Variants in PLCL1 observed in about 807,000 individuals in gnomAD.
The protein encoded by PLCL1 is phospholipase C like 1 (inactive).
A neutral mutation model predicts 84.4 loss-of-function variants in PLCL1; 41 were observed. The ratio of observed to expected loss-of-function variants is 0.49; its 90% CI spans 0.38 to 0.63. The LOEUF (loss-of-function observed/expected upper bound fraction) is 0.63, where lower values mean the gene tolerates loss of function less well. Among genes scored for constraint, PLCL1 ranks in the 30% least tolerant of loss-of-function variants. The probability of loss-of-function intolerance (pLI) is 0.00; values close to 1 mark genes in which losing one functional copy is unlikely to be tolerated. For synonymous variants in PLCL1, 490 were observed against 488.3 expected (o/e 1.00, Z -0.05); for missense variants, 1,206 against 1,367.8 (o/e 0.88, Z 1.87).
chr2:197,958,509 T>C (rs982007040), intron 1 of PLCL1, among the ~76,000 whole-genome samples: 3 of 152,034 alleles, frequency 2.0e-5, no homozygotes, highest in African/African-American at 4.8e-5. Context: ...ATACACCTTA[T>C]TCTAAAATTG....
intron 5 of PLCL1, among the ~76,000 whole-genome samples, chr2:198,142,820 C>T (rs1694421434): frequency 6.6e-6 from 1 of 151,680 alleles, no homozygotes; most frequent in Non-Finnish European, 1.5e-5. Context: ...CATGAAGGAT[C>T]CCCAGTACCA....
intron 1 of PLCL1, among the ~76,000 whole-genome samples, chr2:197,810,011 T>C (rs1297797426): frequency 6.6e-6 from 1 of 152,230 alleles, no homozygotes; most frequent in Non-Finnish European, 1.5e-5. Context: ...AACCAACTTA[T>C]GGATGGATTT....
intron 5 of PLCL1, among the ~76,000 whole-genome samples, chr2:198,108,634 C>G (rs1306026950): frequency 6.7e-6 from 1 of 149,580 alleles, no homozygotes; most frequent in Non-Finnish European, 1.5e-5. Context: ...AGAAAAATGA[C>G]TAACGACAAT....
chr2:198,096,395 A>C (rs1171136894), intron 3 of PLCL1, among the ~76,000 whole-genome samples: 3 of 152,220 alleles, frequency 2.0e-5, no homozygotes, highest in Non-Finnish European at 4.4e-5. Context: ...TCTTCTTTAG[A>C]TGGCCGAGCT....
chr2:198,123,881 A>G (rs1693927571), intron 5 of PLCL1, among the ~76,000 whole-genome samples: 1 of 152,002 alleles, frequency 6.6e-6, no homozygotes, highest in African/African-American at 2.4e-5. Context: ...TCATCCTGAA[A>G]CTATGCACCC....
At chr2:197,898,587 C>A (rs998963610) in intron 1 of PLCL1, among the ~76,000 whole-genome samples, 5 of 151,582 alleles carry the variant, frequency 3.3e-5, no homozygotes, top group African/African-American at 1.2e-4. Flanking sequence ...CCAAGAGAAC[C>A]CTCATGTTTT....
chr2:198,078,616 A>T (rs1212060902), intron 1 of PLCL1, among the ~76,000 whole-genome samples: 1 of 152,082 alleles, frequency 6.6e-6, no homozygotes, highest in African/African-American at 2.4e-5. Context: ...TGAAACAAAG[A>T]TTCCTTCTCA....
At chr2:198,036,689 A>G (rs1042483751) in intron 1 of PLCL1, among the ~76,000 whole-genome samples, 1 of 152,176 alleles carries the variant, frequency 6.6e-6, no homozygotes, top group Non-Finnish European at 1.5e-5. Context: ...ACATCAAAAG[A>G]GGTTTGAGCT....
At chr2:198,123,891 C>A (rs780578431) in intron 5 of PLCL1, among the ~76,000 whole-genome samples, 1 of 151,994 alleles carries the variant, frequency 6.6e-6, no homozygotes, top group Admixed American at 6.6e-5. Context: ...ACTATGCACC[C>A]CTCTCCAGCC....
chr2:197,917,201 G>T (rs540284845), intron 1 of PLCL1, among the ~76,000 whole-genome samples: 146 of 152,292 alleles, frequency 9.6e-4, no homozygotes, highest in Non-Finnish European at 1.7e-3. Flanking sequence ...ACCTACATGT[G>T]AATGTTTTGA....
At chr2:198,090,035 A>G (rs988105512) in intron 3 of PLCL1, among the ~76,000 whole-genome samples, 1 of 152,178 alleles carries the variant, frequency 6.6e-6, no homozygotes, top group South Asian at 2.1e-4. Context: ...TTGGCAATAC[A>G]ATTTAAAATG....
At chr2:197,869,039 C>T (rs918499527) in intron 1 of PLCL1, among the ~76,000 whole-genome samples, 5 of 152,114 alleles carry the variant, frequency 3.3e-5, no homozygotes, top group African/African-American at 1.2e-4. Flanking sequence ...GCCTGTTATA[C>T]GCTGAGCAAT....
rs564347922 is a variant in PLCL1 at position 197,973,750 on chromosome 2, G to A, written c.241-110008G>A. 7.2e-5 allele frequency among the ~76,000 whole-genome samples: 11 copies of A among 152,312 alleles called. No homozygotes were observed. The East Asian group carries it at 2.1e-3, about 29-fold the overall frequency. On this transcript the variant is annotated intron_variant, in intron 1 of 5. Coordinates refer to ENST00000428675, the MANE Select transcript of PLCL1 (RefSeq NM_006226.4). The stretch of plus-strand genomic sequence containing the variant: ...CATGACAGGAGTTGAGGTCAGGGAG[G>A]TGGGCAGGCGTGAGGTCAAGTGGGC...
chr2:197,984,505 T>C (rs1690181361), intron 1 of PLCL1, among the ~76,000 whole-genome samples: 1 of 152,222 alleles, frequency 6.6e-6, no homozygotes, highest in Non-Finnish European at 1.5e-5. Flanking sequence ...TATGCTCTAC[T>C]AGATCCTCAA....
At chr2:198,003,812 G>A (rs569768450) in intron 1 of PLCL1, among the ~76,000 whole-genome samples, 1 of 152,272 alleles carries the variant, frequency 6.6e-6, no homozygotes, top group East Asian at 1.9e-4. Context: ...CTGAGCTGGA[G>A]GTGGAACTAT....
chr2:198,035,159 C>A (rs1402502681), intron 1 of PLCL1, among the ~76,000 whole-genome samples: 2 of 152,044 alleles, frequency 1.3e-5, no homozygotes, highest in Non-Finnish European at 2.9e-5. Flanking sequence ...TAATGACGGT[C>A]AGTTTTCTCA....
At chr2:197,820,453 C>T (rs1423879057) in intron 1 of PLCL1, among the ~76,000 whole-genome samples, 2 of 152,120 alleles carry the variant, frequency 1.3e-5, no homozygotes, top group South Asian at 2.1e-4. Context: ...GTTTTCTTAG[C>T]ACTGCTTGTA....
At chr2:197,986,915 C>G (rs1021405922) in intron 1 of PLCL1, among the ~76,000 whole-genome samples, 1 of 152,088 alleles carries the variant, frequency 6.6e-6, no homozygotes, top group Non-Finnish European at 1.5e-5. Context: ...TGGAATCATC[C>G]GTATTTCATA....
chr2:197,915,948 A>C (rs1688591671), intron 1 of PLCL1, among the ~76,000 whole-genome samples: 1 of 152,232 alleles, frequency 6.6e-6, no homozygotes, highest in East Asian at 1.9e-4. Flanking sequence ...AGTTAGCATC[A>C]GACAATATAC....
Sources: allele counts gnomAD v4.1 joint callset (sites outside exome capture counted in the v4.1 genomes callset), GRCh38; gene constraint gnomAD v4.1.1; transcripts MANE v1.5; gene names NCBI Gene and HGNC (gene_info 2026-07-23, HGNC 2026-07-21).